The following MON1A variants were observed in gnomAD, a reference collection of about 807,000 sequenced individuals.
The protein encoded by MON1A is MON1 vesicular trafficking associated A.
MON1A carries 29 observed loss-of-function variants against 44.6 expected under a neutral mutation model. The observed-to-expected ratio is 0.65, with a 90% confidence interval of 0.48 to 0.89. MON1A has a LOEUF of 0.89. Among genes scored for constraint, MON1A ranks in the 40% least tolerant of loss-of-function variants. MON1A has a pLI of 0.00. For synonymous variants in MON1A, 275 were observed against 316.4 expected, an observed-to-expected ratio of 0.87 and a Z score of 1.39; for missense variants, 615 against 759.6, an observed-to-expected ratio of 0.81 and a Z score of 2.24.
Position 49,910,827 on chromosome 3 carries a change from C to A in MON1A, c.671G>T (p.Arg224Leu). The A allele has an allele frequency of 6.2e-7, 1 of 1,609,996 alleles. No homozygotes were observed. The highest frequency in any genetic ancestry group is 8.5e-7 in the Non-Finnish European group (1 of 1,177,680). ...CAGCTCTTGTGCCGACTGCCGCGTA[C>A]GAGCCACCGCCACTAGCACCAGCGG... The part of the protein sequence containing the change: ...RSPLVLVAVA[R>L]TRQSAQELAQ... The change falls in exon 4 of 6, where the codon CGT (arginine) becomes CTT (leucine). Residue 224 changes from arginine (R) to leucine (L), a missense_variant. By Grantham distance (102) the Arg-to-Leu change is moderately radical. Coordinates refer to ENST00000296473, the MANE Select transcript of MON1A (RefSeq NM_032355.4). This position sits in a 1 kb window ranked among gnomAD's most constrained non-coding sequence, Gnocchi z 8.0.
chr3:49,911,875 G>T lies in MON1A; in HGVS notation c.264C>A (p.Arg88=). The part of the protein sequence containing the change: ...RGPPPLPTDM[R]QISQDFSELS... ...GCTCGCTAAAGTCCTGGCTGATCTG[G>T]CGCATGTCTGTAGGCAGCGGCGGGG... The change falls in exon 3 of 6, where the codon CGC becomes CGA. Residue 88 remains arginine (R), a synonymous_variant. Coordinates refer to ENST00000296473, the MANE Select transcript of MON1A (RefSeq NM_032355.4). The surrounding 1 kb of genome is among the most constrained non-coding windows in gnomAD (Gnocchi z 5.7). 1 of 1,614,100 alleles carries T rather than the reference G, an allele frequency of 6.2e-7. No individual in the cohort carries two copies. The highest frequency in any genetic ancestry group is 8.5e-7 in the Non-Finnish European group (1 of 1,180,018).
At position 49,929,369 on chromosome 3, in the gene MON1A, C is replaced by T. The variant is rs2083075477; in HGVS notation, c.-14+240G>A. On this transcript the variant is annotated intron_variant, in intron 1 of 5. Coordinates refer to ENST00000296473, the MANE Select transcript of MON1A (RefSeq NM_032355.4). ...GGTGGGGGAGTGGGGAGAGTCCTAC[C>T]TGGCCACTGCCCCCTACCGGATCTC... 1.7e-5 allele frequency: 10 copies of T among 589,866 alleles called. No homozygotes were observed. In the South Asian group the frequency reaches 1.8e-4, roughly 11 times the overall value. The allele number at this position is 589,866 out of a possible 1,614,324, so 36.5% of individuals were successfully genotyped here.
At position 49,929,792 on chromosome 3, in the gene MON1A, G is replaced by T. The variant is rs1371895753; in HGVS notation, c.-197C>A. Reference sequence around the variant, plus strand: ...CCGCTCCCTCCCACCGCCCTCACCCGGCCGCCGGTGCAGGAAGATAGCTTT... The same window carrying T: ...CCGCTCCCTCCCACCGCCCTCACCCTGCCGCCGGTGCAGGAAGATAGCTTT... On this transcript the variant is annotated 5_prime_UTR_variant, in exon 1 of 6. Transcript: ENST00000296473. 5 of 1,547,958 alleles carry T rather than the reference G, an allele frequency of 3.2e-6. No homozygotes were observed. The East Asian group carries it at 9.8e-5, about 30-fold the overall frequency.
intron 1 of MON1A, chr3:49,916,410 T>G (rs1017007620): frequency 1.3e-5 from 2 of 152,220 alleles, no homozygotes; most frequent in African/African-American, 4.8e-5. Context: ...CTTTAAGCTA[T>G]GTAATTCTTT....
chr3:49,929,114 C>T (rs568018863), intron 1 of MON1A, among the ~76,000 whole-genome samples: 9 of 152,242 alleles, frequency 5.9e-5, no homozygotes, highest in South Asian at 4.1e-4. Context: ...CCCAGCTACT[C>T]GGGAGGCTGA....
chr3:49,911,938 T>C lies in MON1A; in HGVS notation c.201A>G (p.Ala67=). ...YEDLTESEDG[A]ASGDSHKEGT... is the part of the protein sequence containing the mutation. ...CCTCCTTGTGGCTGTCCCCAGAAGCTGCCCCATCCTCTGACTCAGTCAGGT... is the reference window on the plus strand; with the variant it reads ...CCTCCTTGTGGCTGTCCCCAGAAGCCGCCCCATCCTCTGACTCAGTCAGGT... The change falls in exon 3 of 6, where the codon GCA becomes GCG. Residue 67 remains alanine, a synonymous_variant. Coordinates refer to ENST00000296473, the MANE Select transcript of MON1A (RefSeq NM_032355.4). This position sits in a 1 kb window ranked among gnomAD's most constrained non-coding sequence, Gnocchi z 5.7. 2 of 1,613,482 alleles carry C rather than the reference T, an allele frequency of 1.2e-6. No individual in the cohort carries two copies. Among genetic ancestry groups the C allele is most frequent in the Non-Finnish European group, 1.7e-6 (2 of 1,179,738 alleles).
Position 49,929,647 on chromosome 3 carries a change from G to C in MON1A, c.-52C>G. On this transcript the variant is annotated 5_prime_UTR_variant, in exon 1 of 6. Coordinates refer to ENST00000296473, the MANE Select transcript of MON1A (RefSeq NM_032355.4). ...GAGTCCAGGACGCACAGAAGGTGCC[G>C]GTCACTGCCCTCTGCCGGACCCATG... is the stretch of plus-strand genomic sequence containing the variant. The C allele has an allele frequency of 6.4e-7, 1 of 1,551,472 alleles. No homozygotes were observed.
intron 1 of MON1A, among the ~76,000 whole-genome samples, chr3:49,920,405 A>G (rs2082985870): frequency 1.3e-5 from 2 of 152,260 alleles, no homozygotes; most frequent in African/African-American, 4.8e-5. Flanking sequence ...TTGGTCTCAT[A>G]GTTTTAAATT....
Position 49,909,592 on chromosome 3 carries a change from A to G in MON1A, c.1380-192T>C. The G allele has an allele frequency of 1.5e-6, 1 of 682,774 alleles. No individual in the cohort carries two copies. The allele number at this position is 682,774 out of a possible 1,614,324, so 42.3% of individuals were successfully genotyped here. A position where few individuals can be genotyped will look rare whatever the true frequency, so the allele number is the denominator to read the frequency against. On this transcript the variant is annotated intron_variant, in intron 4 of 5. Transcript: ENST00000296473. The surrounding 1 kb of genome is among the most constrained non-coding windows in gnomAD (Gnocchi z 4.0). ...GGACAGGGCTGGGCCCACTGAGACT[A>G]GAGCTATGTCCCCTCTTACCCCCTA... is the stretch of plus-strand genomic sequence containing the variant.
intron 1 of MON1A, among the ~76,000 whole-genome samples, chr3:49,915,429 T>C (rs2082935480): frequency 6.6e-6 from 1 of 152,170 alleles, no homozygotes; most frequent in South Asian, 2.1e-4. Context: ...CTAGAGAGAC[T>C]AACATGAGAG....
At chr3:49,928,509 A>T (rs2083069244) in intron 1 of MON1A, among the ~76,000 whole-genome samples, 1 of 152,104 alleles carries the variant, frequency 6.6e-6, no homozygotes, top group Admixed American at 6.6e-5. Context: ...CCTGTGAGCA[A>T]TGTCACCAAA....
rs1233907348 is a variant in MON1A at position 49,910,290 on chromosome 3, A to C, written c.1208T>G (p.Phe403Cys). Residue 403 changes from phenylalanine to cysteine, a missense_variant, in exon 4 of 6, where the codon TTC becomes TGC. Transcript: ENST00000296473. This position sits in a 1 kb window ranked among gnomAD's most constrained non-coding sequence, Gnocchi z 8.0. ...GCGGCGGCAGTCAGAGACTGCAAAGAAGTCCTCACGGTCAGTGGAGACAAG... is the reference window on the plus strand; with the variant it reads ...GCGGCGGCAGTCAGAGACTGCAAAGCAGTCCTCACGGTCAGTGGAGACAAG... ...LLLVSTDRED[F>C]FAVSDCRRRF... 1 of 1,614,052 alleles carries C rather than the reference A, an allele frequency of 6.2e-7. No individual in the cohort carries two copies. Among genetic ancestry groups the C allele is most frequent in the Non-Finnish European group, 8.5e-7 (1 of 1,180,026 alleles).
chr3:49,909,211 T>G lies in MON1A; in HGVS notation c.1527+42A>C. 1.2e-6 allele frequency: 2 copies of G among 1,613,340 alleles called. No homozygotes were observed. The highest frequency in any genetic ancestry group is 1.7e-6 in the Non-Finnish European group (2 of 1,179,642). ...TTAGAGGCCCCTCATGGCCCATACC[T>G]AGGACCTCCATAAAGCCCAGCCCAT... On this transcript the variant is annotated intron_variant, in intron 5 of 5. Transcript: ENST00000296473. The surrounding 1 kb of genome is among the most constrained non-coding windows in gnomAD (Gnocchi z 4.0).
At chr3:49,916,655 A>C (rs556423628) in intron 1 of MON1A, 1 of 152,450 alleles carries the variant, frequency 6.6e-6, no homozygotes, top group South Asian at 2.1e-4. Flanking sequence ...CATCAGGACA[A>C]TCAAGAGTAA....
At chr3:49,912,797 C>T (rs1332175350) in intron 2 of MON1A, 1 of 307,834 alleles carries the variant, frequency 3.2e-6, no homozygotes, top group East Asian at 8.3e-5. Flanking sequence ...GTACCAGGCA[C>T]TGGGGATATA....
rs1464238030 is a variant in MON1A at position 49,913,094 on chromosome 3, A to T, written c.127+126T>A. 2.3e-6 allele frequency: 3 copies of T among 1,326,050 alleles called. No homozygotes were observed. In the Admixed American group the frequency reaches 5.3e-5, roughly 23 times the overall value. The allele number at this position is 1,326,050 out of a possible 1,614,324, so 82.1% of individuals were successfully genotyped here. ...CCTCCTGCCTTATCCCCAGAACCTG[A>T]CAAATATCCAATGAGTGACTGACAA... On this transcript the variant is annotated intron_variant, in intron 2 of 5. Transcript: ENST00000296473.
chr3:49,928,715 G>T (rs1280384602), intron 1 of MON1A, among the ~76,000 whole-genome samples: 1 of 152,162 alleles, frequency 6.6e-6, no homozygotes, highest in African/African-American at 2.4e-5. Flanking sequence ...CAGGATGTGT[G>T]GCAGACAAGG....
chr3:49,926,673 G>A (rs1244127934), intron 1 of MON1A, among the ~76,000 whole-genome samples: 2 of 152,072 alleles, frequency 1.3e-5, no homozygotes, highest in Non-Finnish European at 2.9e-5. Context: ...TGTTGTCCAG[G>A]CTGTTCTCAA....
Position 49,910,001 on chromosome 3 carries a change from T to C in MON1A, c.1379+118A>G. On this transcript the variant is annotated intron_variant, in intron 4 of 5. Coordinates refer to ENST00000296473, the MANE Select transcript of MON1A (RefSeq NM_032355.4). This position sits in a 1 kb window ranked among gnomAD's most constrained non-coding sequence, Gnocchi z 8.0. ...GAGTAAAACAGGCCCAGCACACTGGTCTGCTTCCAAAGGTAGGGACAGCTT... is the reference window on the plus strand; with the variant it reads ...GAGTAAAACAGGCCCAGCACACTGGCCTGCTTCCAAAGGTAGGGACAGCTT... 8.5e-7 allele frequency: 1 copy of C among 1,178,676 alleles called. No individual in the cohort carries two copies. The highest frequency in any genetic ancestry group is 1.2e-6 in the Non-Finnish European group (1 of 830,678). The allele number at this position is 1,178,676 out of a possible 1,614,324, so 73.0% of individuals were successfully genotyped here.
Sources: allele counts gnomAD v4.1 joint callset (sites outside exome capture counted in the v4.1 genomes callset), GRCh38; gene constraint gnomAD v4.1.1; non-coding constraint Gnocchi (gnomAD v3.1); transcripts MANE v1.5; gene names NCBI Gene and HGNC (gene_info 2026-07-23, HGNC 2026-07-21).